The following KCNN2 variants were observed in gnomAD, a reference collection of about 807,000 sequenced individuals.
KCNN2 encodes small conductance calcium-activated potassium channel protein 2.
A neutral mutation model predicts 55.5 loss-of-function variants in KCNN2; 24 were observed. The observed-to-expected ratio is 0.43, with a 90% CI of 0.31 to 0.61. The LOEUF (loss-of-function observed/expected upper bound fraction) is 0.61. Among genes scored for constraint, KCNN2 ranks in the 20% least tolerant of loss-of-function variants. The pLI is 0.08. For missense variants in KCNN2, 754 were observed against 853.6 expected (o/e 0.88, Z 1.45); for synonymous variants, 431 against 336.1 (o/e 1.28, Z -3.09).
At chr5:114,235,185 C>T (rs1370332176) in intron 2 of KCNN2, among the ~76,000 whole-genome samples, 1 of 152,210 alleles carries the variant, frequency 6.6e-6, no homozygotes, top group Non-Finnish European at 1.5e-5. Flanking sequence ...ATTAACCTAA[C>T]TACCATTTGA....
chr5:114,285,485 A>G (rs1186786089), intron 2 of KCNN2, among the ~76,000 whole-genome samples: 1 of 152,106 alleles, frequency 6.6e-6, no homozygotes, highest in Non-Finnish European at 1.5e-5. Flanking sequence ...GGAAATAAGG[A>G]TAAGTAAATC....
At chr5:114,180,972 T>C (rs1241706818) in intron 1 of KCNN2, among the ~76,000 whole-genome samples, 1 of 152,346 alleles carries the variant, frequency 6.6e-6, no homozygotes, top group Non-Finnish European at 1.5e-5. Context: ...GAGTAGTTGG[T>C]TCTTTTTTAT....
intron 2 of KCNN2, among the ~76,000 whole-genome samples, chr5:114,262,413 T>C (rs1755126542): frequency 6.6e-6 from 1 of 152,228 alleles, no homozygotes; most frequent in African/African-American, 2.4e-5. Flanking sequence ...AGAAGTTATA[T>C]GACTTCTAAA....
chr5:114,237,689 T>G (rs1296956657), intron 2 of KCNN2, among the ~76,000 whole-genome samples: 11 of 152,190 alleles, frequency 7.2e-5, no homozygotes, highest in Admixed American at 6.5e-4. Flanking sequence ...ATTTCTCAGG[T>G]CCCTTACTGC....
intron 2 of KCNN2, among the ~76,000 whole-genome samples, chr5:114,307,202 C>T (rs1212161034): frequency 6.6e-6 from 1 of 152,130 alleles, no homozygotes; most frequent in Non-Finnish European, 1.5e-5. Flanking sequence ...ATCTCAAGTT[C>T]TCCCAGCCTC....
At chr5:114,185,533 C>G (rs1416403017) in intron 1 of KCNN2, among the ~76,000 whole-genome samples, 1 of 152,172 alleles carries the variant, frequency 6.6e-6, no homozygotes, top group East Asian at 1.9e-4. Context: ...AGGAAGCGCT[C>G]TAGCAGGGAA....
chr5:114,240,900 AAT>A (rs144924616), intron 2 of KCNN2, among the ~76,000 whole-genome samples: 4,540 of 152,294 alleles, frequency 0.03, 229 homozygotes, highest in African/African-American at 0.1. Flanking sequence ...ATTATCTGCT[AAT>A]AATGAAATTA....
At chr5:114,381,340 A>AT (rs1043006141) in intron 2 of KCNN2, among the ~76,000 whole-genome samples, 14 of 151,858 alleles carry the variant, frequency 9.2e-5, no homozygotes, top group African/African-American at 1.9e-4. Context: ...ATTTGTTTCT[A>AT]TTTTTTTTAG....
At chr5:114,190,817 G>A (rs1245261380) in intron 1 of KCNN2, among the ~76,000 whole-genome samples, 2 of 152,116 alleles carry the variant, frequency 1.3e-5, no homozygotes, top group African/African-American at 4.8e-5. Context: ...GACCAAGAGT[G>A]GAATAGCTAT....
At chr5:114,169,922 G>A (rs1176498052) in intron 1 of KCNN2, among the ~76,000 whole-genome samples, 1 of 151,956 alleles carries the variant, frequency 6.6e-6, no homozygotes, top group African/African-American at 2.4e-5. Flanking sequence ...TATAATTTAG[G>A]CCCCCTTCTT....
chr5:114,288,293 T>G (rs1345826357), intron 2 of KCNN2, among the ~76,000 whole-genome samples: 1 of 152,216 alleles, frequency 6.6e-6, no homozygotes, highest in Non-Finnish European at 1.5e-5. Flanking sequence ...TGTAAACAAG[T>G]GTTTACATGT....
intron 2 of KCNN2, among the ~76,000 whole-genome samples, chr5:114,270,339 A>G (rs952428783): frequency 2.0e-5 from 3 of 152,224 alleles, no homozygotes; most frequent in Non-Finnish European, 4.4e-5. Context: ...TAGGACAAGA[A>G]TGCGCTAACA....
chr5:114,337,210 G>A (rs1048726539), intron 2 of KCNN2, among the ~76,000 whole-genome samples: 10 of 152,138 alleles, frequency 6.6e-5, no homozygotes, highest in Non-Finnish European at 1.0e-4. Flanking sequence ...TATTGGATAT[G>A]ATGGGTGAGG....
intron 3 of KCNN2, among the ~76,000 whole-genome samples, chr5:114,419,797 C>T (rs1217330859): frequency 6.6e-6 from 1 of 152,124 alleles, no homozygotes; most frequent in Non-Finnish European, 1.5e-5. Flanking sequence ...CAAGACCAGC[C>T]TGGGCAACAT....
chr5:114,368,742 C>G (rs1004178097), intron 2 of KCNN2, among the ~76,000 whole-genome samples: 2 of 152,094 alleles, frequency 1.3e-5, no homozygotes, highest in Non-Finnish European at 2.9e-5. Flanking sequence ...CAGAGGTAAC[C>G]ACTTTTAAGT....
At chr5:114,426,325 A>G (rs1476295782) in intron 3 of KCNN2, among the ~76,000 whole-genome samples, 1 of 152,218 alleles carries the variant, frequency 6.6e-6, no homozygotes, top group African/African-American at 2.4e-5. Context: ...CCAAGCTTGC[A>G]TTCCTGTCAT....
At chr5:114,160,326 C>G (rs1314845634) in intron 1 of KCNN2, among the ~76,000 whole-genome samples, 1 of 152,188 alleles carries the variant, frequency 6.6e-6, no homozygotes, top group Admixed American at 6.5e-5. Context: ...GAGTGAGTTT[C>G]TTATTCCTGA....
intron 2 of KCNN2, among the ~76,000 whole-genome samples, chr5:114,365,455 T>C (rs1757571441): frequency 6.6e-6 from 1 of 152,248 alleles, no homozygotes; most frequent in Non-Finnish European, 1.5e-5. Context: ...TCTTTTCATT[T>C]TGACTTGAAG....
intron 3 of KCNN2, among the ~76,000 whole-genome samples, chr5:114,429,818 C>CG (rs746613527): frequency 1.4e-5 from 1 of 71,244 alleles, no homozygotes; most frequent in Non-Finnish European, 2.5e-5. Flanking sequence ...TATATAGATG[C>CG]TTTTTTTTTT....
Sources: gnomAD v4.1 joint callset for allele counts (sites outside exome capture counted in the v4.1 genomes callset) on GRCh38, gnomAD v4.1.1 for gene constraint, MANE v1.5 for transcripts, NCBI Gene and HGNC (gene_info 2026-07-23, HGNC 2026-07-21) for gene names.